Variants in DNAH17 observed in about 807,000 individuals in gnomAD.
DNAH17 encodes the protein axonemal beta dynein heavy chain 17.
Under a neutral mutation model 485.6 loss-of-function variants are expected in DNAH17, and 376 were observed. The observed-to-expected ratio is 0.77, with a 90% confidence interval of 0.71 to 0.84. DNAH17 has a LOEUF of 0.84. Among genes scored for constraint, DNAH17 ranks in the 40% least tolerant of loss-of-function variants. DNAH17 has a pLI of 0.00. For synonymous variants in DNAH17, 3,031 were observed against 2,405.9 expected (o/e 1.26, Z -7.60); for missense variants, 6,370 against 5,839.3 (o/e 1.09, Z -2.96).
rs1175212857 is a variant in DNAH17, at chr17:78,574,835, T to G, written c.223A>C (p.Lys75Gln). The G allele has an allele frequency of 6.2e-7, 1 of 1,614,000 alleles. No homozygotes were observed. The stretch of plus-strand genomic sequence containing the variant: ...TTTGTCTTGATGAAGTAAACCCCTT[T>G]GGACTTGAGGGACTGGGGGAAGCCC... The part of the protein sequence containing the change: ...CLGFPQSLKS[K>Q]GVYFIKTKSE... The change falls in exon 2 of 81, where the codon AAA (lysine) becomes CAA (glutamine). Residue 75 changes from lysine to glutamine, a missense_variant. Coordinates refer to ENST00000389840, the MANE Select transcript of DNAH17 (RefSeq NM_173628.4).
At position 78,574,850 on chromosome 17, in the gene DNAH17, G is replaced by A. The variant is rs1462505152; in HGVS notation, c.208C>T (p.Gln70Ter). ...TAAACCCCTTTGGACTTGAGGGACT[G>A]GGGGAAGCCCAGGCAGGGTATGATC... ...GMIIPCLGFPQSLKSKGVYFI... is the reference protein window; with the variant it reads ...GMIIPCLGFP The change falls in exon 2 of 81, where the codon CAG (glutamine) becomes TAG (stop). Residue 70 changes from glutamine (Q) to a stop codon, truncating the protein, a stop_gained. Transcript: ENST00000389840. LOFTEE classifies it high-confidence loss of function. 6.2e-7 allele frequency: 1 copy of A among 1,614,032 alleles called. No individual in the cohort carries two copies. The highest frequency in any genetic ancestry group is 1.3e-5 in the African/African-American group (1 of 75,046).
At chr17:78,445,936 G>A (rs2087270397) in intron 69 of DNAH17, among the ~76,000 whole-genome samples, 1 of 150,598 alleles carries the variant, frequency 6.6e-6, no homozygotes, top group African/African-American at 2.4e-5. Context: ...TTGGGAGGCC[G>A]AGGAGGGGGT....
At chr17:78,501,894 G>T in intron 33 of DNAH17, 21 bp from the exon 34 acceptor site, 1 of 1,613,596 alleles carries the variant, frequency 6.2e-7, no homozygotes, top group Non-Finnish European at 8.5e-7. Context: ...GAGTGCCTTC[G>T]ATGAGACACC....
intron 11 of DNAH17, among the ~76,000 whole-genome samples, 155 bp from the exon 12 acceptor site, chr17:78,562,135 A>G (rs922199778): frequency 2.0e-5 from 3 of 152,220 alleles, no homozygotes; most frequent in Non-Finnish European, 2.9e-5. Flanking sequence ...GTGTGTGTCA[A>G]CTGGCTCAGT....
At chr17:78,516,797 G>C (rs1334136440) in intron 25 of DNAH17, among the ~76,000 whole-genome samples, 3 of 151,936 alleles carry the variant, frequency 2.0e-5, no homozygotes, top group Non-Finnish European at 4.4e-5. Context: ...AGGCCTGGCT[G>C]TAATAAAGCC....
rs528075169 is a variant in DNAH17, at chr17:78,526,628, A to T, written c.3711+23T>A. On this transcript the variant is annotated intron_variant, in intron 24 of 80. Transcript: ENST00000389840. Reference sequence around the variant, plus strand: ...GTGGGGTTCCCAGACTTACCCCCTGATCTCACCCTTGAGCAAAAATACCTT... The same window carrying T: ...GTGGGGTTCCCAGACTTACCCCCTGTTCTCACCCTTGAGCAAAAATACCTT... 152 of 1,573,370 alleles carry T rather than the reference A, an allele frequency of 9.7e-5. No individual in the cohort carries two copies. The South Asian group carries it at 1.6e-3, about 17-fold the overall frequency.
rs371831410 is a variant in DNAH17, at chr17:78,525,173, G to A, written c.3712-12C>T. ...ATGCTCTTTTGTTGCTAGGGGCGGCGAGGGGGCCGTCAGTAGGGCTACCTA... is the reference window on the plus strand; with the variant it reads ...ATGCTCTTTTGTTGCTAGGGGCGGCAAGGGGGCCGTCAGTAGGGCTACCTA... On this transcript the variant is annotated splice_polypyrimidine_tract_variant and intron_variant, in intron 24 of 80. Coordinates refer to ENST00000389840, the MANE Select transcript of DNAH17 (RefSeq NM_173628.4). The A allele has an allele frequency of 2.2e-5, 36 of 1,610,156 alleles. No homozygotes were observed. Among genetic ancestry groups the A allele is most frequent in the Non-Finnish European group, 2.7e-5 (32 of 1,178,504 alleles).
At position 78,459,213 on chromosome 17, in the gene DNAH17, C is replaced by T. The variant is rs375911747; in HGVS notation, c.9654-5G>A. The T allele has an allele frequency of 5.0e-5, 80 of 1,613,468 alleles. No individual in the cohort carries two copies. The highest frequency in any genetic ancestry group is 5.8e-5 in the Non-Finnish European group (68 of 1,179,794). The stretch of plus-strand genomic sequence containing the variant: ...GTCGGGTTGCCTTGGTAGGGCCTAG[C>T]GAGGGAACCAGAGGGCCGGAGTCGT... On this transcript the variant is annotated splice_region_variant and splice_polypyrimidine_tract_variant and intron_variant, in intron 60 of 80. Coordinates refer to ENST00000389840, the MANE Select transcript of DNAH17 (RefSeq NM_173628.4).
intron 1 of DNAH17, among the ~76,000 whole-genome samples, chr17:78,575,846 T>C (rs1024537378): frequency 2.6e-5 from 4 of 152,236 alleles, no homozygotes; most frequent in African/African-American, 9.6e-5. Context: ...GGCATGTCAA[T>C]ATTTTTAAAC....
Position 78,449,570 on chromosome 17 carries a change from C to T in DNAH17, c.11055G>A (p.Val3685=). The change falls in exon 69 of 81, where the codon GTG becomes GTA. Residue 3685 remains valine, a synonymous_variant. Transcript: ENST00000389840. ...TGGTCCTCTGGATGGCTTTCTCAAA[C>T]ACCACGTTGAAGGCCTGGGGATCCG... The part of the protein sequence containing the change: ...YQFSLKAFNV[V]FEKAIQRTTP... The T allele has an allele frequency of 1.2e-6, 2 of 1,606,472 alleles. No individual in the cohort carries two copies. Among genetic ancestry groups the T allele is most frequent in the Non-Finnish European group, 1.7e-6 (2 of 1,176,150 alleles).
chr17:78,529,757 G>C (rs199612649), intron 21 of DNAH17, 63 bp from the exon 22 acceptor site: 2 of 1,535,880 alleles, frequency 1.3e-6, no homozygotes, highest in Non-Finnish European at 1.8e-6. Flanking sequence ...TTGATGGTAC[G>C]GAGCCCCATG....
rs2376587 is a variant in DNAH17, at chr17:78,562,077, T to C, written c.1570-97A>G. 1 allele frequency: 1,407,335 copies of C among 1,409,276 alleles called. 702,700 individuals are homozygous for C. Among genetic ancestry groups the C allele is most frequent in the East Asian group, 1 (41,664 of 41,666 alleles). The allele number at this position is 1,409,276 out of a possible 1,614,324, so 87.3% of individuals were successfully genotyped here. A position where few individuals can be genotyped will look rare whatever the true frequency, so the allele number is the denominator to read the frequency against. On this transcript the variant is annotated intron_variant, in intron 11 of 80. Transcript: ENST00000389840. Reference sequence around the variant, plus strand: ...AACGGGCAGGGCCAATCTTCAGGAGTGAGAGAATGTGTACCTTGCCAAAAC... The same window carrying C: ...AACGGGCAGGGCCAATCTTCAGGAGCGAGAGAATGTGTACCTTGCCAAAAC...
intron 19 of DNAH17, among the ~76,000 whole-genome samples, chr17:78,536,285 TA>T (rs113161704): frequency 2.5e-4 from 38 of 150,654 alleles, no homozygotes; most frequent in African/African-American, 8.1e-4. Context: ...TAAAAATATA[TA>T]AAAAAAAAGA....
At chr17:78,458,966 G>C (rs775034323) in intron 61 of DNAH17, 35 bp downstream of exon 61, 2 of 1,607,524 alleles carry the variant, frequency 1.2e-6, no homozygotes, top group Admixed American at 3.3e-5. Context: ...AGCGGCTCTG[G>C]TGTTTCGCAG....
intron 56 of DNAH17, among the ~76,000 whole-genome samples, chr17:78,464,680 T>G (rs1333317351): frequency 6.6e-6 from 1 of 152,220 alleles, no homozygotes; most frequent in Admixed American, 6.5e-5. Context: ...AATACAGGCT[T>G]TCCAGCCAAG....
chr17:78,526,227 G>C (rs964309670), intron 24 of DNAH17, among the ~76,000 whole-genome samples: 1 of 152,236 alleles, frequency 6.6e-6, no homozygotes, highest in Non-Finnish European at 1.5e-5. Flanking sequence ...GCTGCTGCCC[G>C]ATGTGGTGGG....
intron 50 of DNAH17, 88 bp downstream of exon 50, chr17:78,479,393 AAAAT>A: frequency 2.9e-6 from 4 of 1,382,176 alleles, no homozygotes; most frequent in Non-Finnish European, 3.8e-6. Context: ...AATTATAAAT[AAAAT>A]ATTTATCAAG....
intron 13 of DNAH17, among the ~76,000 whole-genome samples, chr17:78,558,546 A>G (rs1422404030): frequency 2.9e-5 from 2 of 68,442 alleles, no homozygotes; most frequent in Non-Finnish European, 6.5e-5. Context: ...TGACATCATC[A>G]TTGCATGTGT....
intron 27 of DNAH17, 123 bp downstream of exon 27, chr17:78,510,261 G>C (rs772162018): frequency 3.9e-4 from 551 of 1,405,122 alleles, no homozygotes; most frequent in Non-Finnish European, 4.8e-4. Context: ...GGTAAGAAAG[G>C]CCCGCCAGAC....
Sources: gnomAD v4.1 joint callset for allele counts (sites outside exome capture counted in the v4.1 genomes callset) on GRCh38, gnomAD v4.1.1 for gene constraint, MANE v1.5 for transcripts, NCBI Gene and HGNC (gene_info 2026-07-23, HGNC 2026-07-21) for gene names.